Variants in MED13L observed in about 807,000 individuals in gnomAD.
The protein encoded by MED13L is mediator of RNA polymerase II transcription subunit 13-like.
MED13L carries 7 observed loss-of-function variants against 220.9 expected under a neutral mutation model. That is an observed-to-expected ratio of 0.03 (90% CI 0.02 to 0.06). The LOEUF is 0.06. Among genes scored for constraint, MED13L ranks in the 10% least tolerant of loss-of-function variants. The probability of loss-of-function intolerance (pLI) is 1.00; values close to 1 mark genes in which losing one functional copy is unlikely to be tolerated. For synonymous variants in MED13L, 1,011 were observed against 1,015.2 expected, an observed-to-expected ratio of 1.00 and a Z score of 0.08; for missense variants, 1,965 against 2,760.5, an observed-to-expected ratio of 0.71 and a Z score of 6.46.
intron 2 of MED13L, among the ~76,000 whole-genome samples, chr12:116,215,513 A>G (rs1479316534): frequency 6.6e-6 from 1 of 152,146 alleles, no homozygotes; most frequent in African/African-American, 2.4e-5. Flanking sequence ...CCAATTCAAT[A>G]TCTCCTATTG....
chr12:116,009,291 A>T, intron 9 of MED13L, 159 bp from the exon 10 acceptor site: 2 of 683,576 alleles, frequency 2.9e-6, no homozygotes, highest in South Asian at 3.8e-5. Flanking sequence ...AATACACCCC[A>T]ATGAAAAATG....
chr12:116,183,436 T>A (rs943330641), intron 2 of MED13L, among the ~76,000 whole-genome samples: 1 of 152,194 alleles, frequency 6.6e-6, no homozygotes, highest in Non-Finnish European at 1.5e-5. Context: ...TGAAAGAGTA[T>A]TATAAAACAT....
At chr12:116,175,813 C>T (rs919254567) in intron 2 of MED13L, among the ~76,000 whole-genome samples, 8 of 151,964 alleles carry the variant, frequency 5.3e-5, no homozygotes, top group Non-Finnish European at 1.2e-4. Flanking sequence ...GAAATGATGC[C>T]GTTAAACCTT....
chr12:116,227,632 G>C (rs1010089250), intron 2 of MED13L, among the ~76,000 whole-genome samples: 4 of 152,126 alleles, frequency 2.6e-5, no homozygotes, highest in Admixed American at 2.6e-4. Flanking sequence ...TAAAACAGCA[G>C]ACTGAACCAA....
At chr12:116,064,419 T>TG (rs1018184217) in intron 4 of MED13L, among the ~76,000 whole-genome samples, 11 of 152,174 alleles carry the variant, frequency 7.2e-5, no homozygotes, top group Non-Finnish European at 1.6e-4. Flanking sequence ...GTTGAATCCT[T>TG]GGAGGCAGAA....
At chr12:116,228,769 G>A (rs542748702) in intron 2 of MED13L, among the ~76,000 whole-genome samples, 25 of 151,898 alleles carry the variant, frequency 1.6e-4, no homozygotes, top group East Asian at 3.9e-4. Context: ...ATTCTTTCTC[G>A]AATTATTTAG....
chr12:116,075,133 C>T (rs896752276), intron 4 of MED13L, among the ~76,000 whole-genome samples: 1 of 152,184 alleles, frequency 6.6e-6, no homozygotes, highest in African/African-American at 2.4e-5. Flanking sequence ...TAACATTAAA[C>T]CACTATATCT....
intron 14 of MED13L, among the ~76,000 whole-genome samples, chr12:115,999,569 T>G (rs554886091): frequency 1.4e-4 from 21 of 152,270 alleles, no homozygotes; most frequent in Admixed American, 2.6e-4. Context: ...TAAATCTTAA[T>G]AGCCAGTGTA....
chr12:115,974,381 A>G (rs1419006440), intron 25 of MED13L, among the ~76,000 whole-genome samples: 1 of 152,196 alleles, frequency 6.6e-6, no homozygotes. Context: ...ATCTGAATGC[A>G]TATATTGAAC....
intron 2 of MED13L, among the ~76,000 whole-genome samples, chr12:116,200,180 A>C (rs561192882): frequency 5.9e-5 from 9 of 152,204 alleles, no homozygotes; most frequent in East Asian, 3.9e-4. Flanking sequence ...TAGCAACATA[A>C]GATTTCTTTA....
intron 2 of MED13L, 43 bp downstream of exon 2, chr12:116,237,425 A>C: frequency 6.9e-7 from 1 of 1,455,692 alleles, no homozygotes; most frequent in Non-Finnish European, 9.6e-7. Flanking sequence ...TGTTCAAAAA[A>C]ATATGATGCA....
intron 2 of MED13L, among the ~76,000 whole-genome samples, chr12:116,167,455 TG>T (rs1305567251): frequency 6.6e-6 from 1 of 152,212 alleles, no homozygotes; most frequent in Admixed American, 6.5e-5. Context: ...TTTAGAGCTA[TG>T]TTGACTTACA....
intron 4 of MED13L, among the ~76,000 whole-genome samples, chr12:116,040,595 T>C (rs554987189): frequency 7.2e-5 from 11 of 152,280 alleles, no homozygotes; most frequent in Admixed American, 5.2e-4. Context: ...CCATCAGATC[T>C]ACCACTTTCC....
intron 14 of MED13L, among the ~76,000 whole-genome samples, chr12:115,998,770 C>G (rs1878564769): frequency 6.6e-6 from 1 of 152,102 alleles, no homozygotes; most frequent in Non-Finnish European, 1.5e-5. Flanking sequence ...AGGGAGAGGC[C>G]AATCAGCAGG....
intron 4 of MED13L, among the ~76,000 whole-genome samples, chr12:116,044,524 ATCCTAAC>A (rs1023377607): frequency 2.0e-5 from 3 of 152,332 alleles, no homozygotes; most frequent in African/African-American, 7.2e-5. Flanking sequence ...ATAGGTGGAA[ATCCTAAC>A]TCCTAAGAAC....
chr12:116,099,482 T>G (rs1872884797), intron 3 of MED13L, among the ~76,000 whole-genome samples: 1 of 152,196 alleles, frequency 6.6e-6, no homozygotes. Flanking sequence ...AATACTGTTT[T>G]AAAAAATATT....
chr12:116,117,109 C>T lies in MED13L; in HGVS notation c.311-5597G>A, dbSNP rs755967030. Among the ~76,000 whole-genome samples the T allele has an allele frequency of 1.4e-4, 22 of 151,826 alleles. 1 individual carries two copies. The highest frequency in any genetic ancestry group is 3.3e-4 in the Admixed American group (5 of 15,240). ...GAAATATCTATACAATGGGCTACTACTCAGAAATAAAAAGGAACTTCCAAT... is the reference window on the plus strand; with the variant it reads ...GAAATATCTATACAATGGGCTACTATTCAGAAATAAAAAGGAACTTCCAAT... On this transcript the variant is annotated intron_variant, in intron 2 of 30. Coordinates refer to ENST00000281928, the MANE Select transcript of MED13L (RefSeq NM_015335.5).
At chr12:116,123,633 T>A (rs569520254) in intron 2 of MED13L, among the ~76,000 whole-genome samples, 1 of 152,172 alleles carries the variant, frequency 6.6e-6, no homozygotes. Flanking sequence ...AGTCCCCAAA[T>A]TGCCTTTTAC....
chr12:116,027,343 G>A (rs1880457193), intron 4 of MED13L, among the ~76,000 whole-genome samples: 1 of 152,060 alleles, frequency 6.6e-6, no homozygotes, highest in East Asian at 1.9e-4. Flanking sequence ...GACAGCTTGA[G>A]CCTTTGAGGT....
Sources: allele counts gnomAD v4.1 joint callset (sites outside exome capture counted in the v4.1 genomes callset), GRCh38; gene constraint gnomAD v4.1.1; transcripts MANE v1.5; gene names NCBI Gene and HGNC (gene_info 2026-07-23, HGNC 2026-07-21).